The following ZNF148 variants were observed in gnomAD, a reference collection of about 807,000 sequenced individuals.
ZNF148 encodes the protein zinc finger protein 148, also known as Beta-Enolase Repressor Factor-1.
A neutral mutation model predicts 67.7 loss-of-function variants in ZNF148; 7 were observed. The ratio of observed to expected loss-of-function variants is 0.10; its 90% CI spans 0.06 to 0.19. The LOEUF (loss-of-function observed/expected upper bound fraction) is 0.19, where lower values mean the gene tolerates loss of function less well. Ranked by LOEUF, ZNF148 falls within the 10% of genes least tolerant of loss-of-function variation. The pLI is 1.00. For missense variants in ZNF148, 583 were observed against 947.1 expected (o/e 0.62, Z 5.05); for synonymous variants, 333 against 330.7 (o/e 1.01, Z -0.08).
At chr3:125,342,008 G>GGA (rs538254071) in intron 1 of ZNF148, among the ~76,000 whole-genome samples, 12,023 of 141,826 alleles carry the variant, frequency 0.085, 782 homozygotes, top group Non-Finnish European at 0.12. Context: ...GCGGGGGGGG[G>GGA]AATGGAAATC....
At chr3:125,300,433 G>T (rs1245245273) in intron 4 of ZNF148, among the ~76,000 whole-genome samples, 4 of 152,140 alleles carry the variant, frequency 2.6e-5, no homozygotes, top group Non-Finnish European at 1.5e-5. Flanking sequence ...TAAGAATTGG[G>T]TATAACTAAC....
chr3:125,259,228 C>T (rs1937228906), intron 7 of ZNF148, among the ~76,000 whole-genome samples: 2 of 152,146 alleles, frequency 1.3e-5, no homozygotes, highest in Non-Finnish European at 2.9e-5. Context: ...ACACATTATT[C>T]CTCTACCCAA....
intron 1 of ZNF148, among the ~76,000 whole-genome samples, chr3:125,337,442 A>T (rs1941545129): frequency 6.6e-6 from 1 of 152,208 alleles, no homozygotes; most frequent in African/African-American, 2.4e-5. Flanking sequence ...TCCCCAGATA[A>T]TGTAAATGAG....
rs1297420719 is a variant in ZNF148 at position 125,232,694 on chromosome 3, G to A, written c.2032C>T (p.Leu678=). ...RTTPDKSHFG[L]IVGDSQHSFP... is the part of the protein sequence containing the mutation. The stretch of plus-strand genomic sequence containing the variant: ...GAGTGCTGTGAATCACCAACTATTA[G>A]TCCAAAGTGGGACTTATCTGGAGTT... Residue 678 remains leucine, a synonymous_variant, in exon 9 of 9, where the codon CTA becomes TTA. Coordinates refer to ENST00000360647, the MANE Select transcript of ZNF148 (RefSeq NM_021964.3). This position sits in a 1 kb window ranked among gnomAD's most constrained non-coding sequence, Gnocchi z 4.2. 6 of 1,613,744 alleles carry A rather than the reference G, an allele frequency of 3.7e-6. No homozygotes were observed. The East Asian group carries it at 1.3e-4, about 36-fold the overall frequency.
chr3:125,238,115 C>T (rs1936177518), intron 7 of ZNF148, among the ~76,000 whole-genome samples: 2 of 152,120 alleles, frequency 1.3e-5, no homozygotes, highest in African/African-American at 4.8e-5. Context: ...ACACCTCTCA[C>T]ATCATAAACA....
Position 125,249,223 on chromosome 3 carries a change from A to G in ZNF148, c.668-14894T>C, listed in dbSNP as rs1466990784. ...GTTTCAACATGCTCAACAAAATGAA[A>G]AGATAACCTATGGAATGGGAAAAAA... is the stretch of plus-strand genomic sequence containing the variant. On this transcript the variant is annotated intron_variant, in intron 7 of 8. Coordinates refer to ENST00000360647, the MANE Select transcript of ZNF148 (RefSeq NM_021964.3). 2.0e-5 allele frequency among the ~76,000 whole-genome samples: 3 copies of G among 152,220 alleles called. No individual in the cohort carries two copies. The East Asian group carries it at 5.8e-4, about 29-fold the overall frequency.
chr3:125,242,615 G>A (rs1560108430), intron 7 of ZNF148, among the ~76,000 whole-genome samples: 2 of 152,176 alleles, frequency 1.3e-5, no homozygotes, highest in African/African-American at 2.4e-5. Flanking sequence ...TGGCAAAGGG[G>A]TGAGACTCTT....
chr3:125,249,609 A>C (rs1936749431), intron 7 of ZNF148, among the ~76,000 whole-genome samples: 1 of 152,128 alleles, frequency 6.6e-6, no homozygotes, highest in African/African-American at 2.4e-5. Context: ...AACAGTATGG[A>C]GGTTCCTAAA....
intron 1 of ZNF148, among the ~76,000 whole-genome samples, chr3:125,334,055 C>T (rs182065833): frequency 2.1e-4 from 32 of 152,180 alleles, no homozygotes; most frequent in Admixed American, 1.7e-3. Context: ...AACTTGTATA[C>T]CTATATAATA....
At chr3:125,288,976 TAAAG>T (rs758035573) in intron 4 of ZNF148, among the ~76,000 whole-genome samples, 3 of 152,140 alleles carry the variant, frequency 2.0e-5, no homozygotes, top group Admixed American at 6.6e-5. Flanking sequence ...TACTTGTCCT[TAAAG>T]AAAGAAAAGA....
intron 1 of ZNF148, among the ~76,000 whole-genome samples, chr3:125,353,340 G>T (rs9851588): frequency 0.78 from 117,662 of 151,810 alleles, 46,426 homozygotes; most frequent in African/African-American, 0.91. Flanking sequence ...TTTGTGATGA[G>T]GCAATAGTTC....
chr3:125,257,389 A>C (rs1008542397), intron 7 of ZNF148, among the ~76,000 whole-genome samples: 4 of 152,102 alleles, frequency 2.6e-5, no homozygotes, highest in Admixed American at 2.0e-4. Context: ...CCCCGTCTCT[A>C]CTAAAAATAC....
intron 7 of ZNF148, among the ~76,000 whole-genome samples, chr3:125,275,444 G>C (rs577308607): frequency 6.6e-6 from 1 of 152,126 alleles, no homozygotes; most frequent in African/African-American, 2.4e-5. Context: ...GTCCCATTCT[G>C]CATAGCCAGT....
In ZNF148 at chr3:125,231,581, A is replaced by G. The variant is rs1415358715; in HGVS notation, c.*760T>C. On this transcript the variant is annotated 3_prime_UTR_variant, in exon 9 of 9. Coordinates refer to ENST00000360647, the MANE Select transcript of ZNF148 (RefSeq NM_021964.3). ...ATACCTGCACATGAAAAATCATAAA[A>G]AATATCTAAGTACAACTGTACAAAG... is the stretch of plus-strand genomic sequence containing the variant. 6.6e-6 allele frequency: 1 copy of G among 152,520 alleles called. No homozygotes were observed. The highest frequency in any genetic ancestry group is 2.4e-5 in the African/African-American group (1 of 41,430). The allele number at this position is 152,520 out of a possible 1,614,324, so 9.4% of individuals were successfully genotyped here. A position where few individuals can be genotyped will look rare whatever the true frequency, so the allele number is the denominator to read the frequency against.
At chr3:125,309,186 T>A (rs991377740) in intron 4 of ZNF148, among the ~76,000 whole-genome samples, 6 of 152,220 alleles carry the variant, frequency 3.9e-5, no homozygotes, top group Non-Finnish European at 5.9e-5. Context: ...TTGTCAAAAC[T>A]CTGAACTACA....
In ZNF148 at chr3:125,323,397, G is replaced by A; in HGVS notation, c.-105C>T. On this transcript the variant is annotated 5_prime_UTR_variant, in exon 3 of 9. Coordinates refer to ENST00000360647, the MANE Select transcript of ZNF148 (RefSeq NM_021964.3). ...ATGGTTGAGTTTCTACCTTTCATAG[G>A]CTTCAGAAATCCTCAATACCACCTT... The A allele has an allele frequency of 1.4e-6, 1 of 696,556 alleles. No individual in the cohort carries two copies. Among genetic ancestry groups the A allele is most frequent in the Non-Finnish European group, 2.6e-6 (1 of 383,002 alleles). 43.1% of individuals were successfully genotyped at this position (696,556 alleles called of 1,614,324 possible). A position where few individuals can be genotyped will look rare whatever the true frequency, so the allele number is the denominator to read the frequency against.
In ZNF148 at chr3:125,225,764, C is replaced by G. The variant is rs1417465426; in HGVS notation, c.*6577G>C. 1 of 152,092 alleles carries G rather than the reference C, an allele frequency of 6.6e-6. No homozygotes were observed. Among genetic ancestry groups the G allele is most frequent in the African/African-American group, 2.4e-5 (1 of 41,418 alleles). The allele number at this position is 152,092 out of a possible 1,614,324, so 9.4% of individuals were successfully genotyped here. A position where few individuals can be genotyped will look rare whatever the true frequency, so the allele number is the denominator to read the frequency against. On this transcript the variant is annotated 3_prime_UTR_variant, in exon 9 of 9. Coordinates refer to ENST00000360647, the MANE Select transcript of ZNF148 (RefSeq NM_021964.3). ...CTCCCCTCCCCTCTCCCCACCATTCCTAATCATTCAAGAAAAACTGGGATC... is the reference window on the plus strand; with the variant it reads ...CTCCCCTCCCCTCTCCCCACCATTCGTAATCATTCAAGAAAAACTGGGATC...
At chr3:125,289,572 A>T (rs1386327744) in intron 4 of ZNF148, among the ~76,000 whole-genome samples, 10 of 152,218 alleles carry the variant, frequency 6.6e-5, no homozygotes, top group Admixed American at 4.6e-4. Flanking sequence ...CAGACCTCTT[A>T]TCACCTCTGA....
chr3:125,250,689 G>A (rs1936802728), intron 7 of ZNF148, among the ~76,000 whole-genome samples: 1 of 152,146 alleles, frequency 6.6e-6, no homozygotes, highest in Admixed American at 6.5e-5. Context: ...TTGAACCTAA[G>A]TTTTCTGGGG....
Sources: allele counts gnomAD v4.1 joint callset (sites outside exome capture counted in the v4.1 genomes callset), GRCh38; gene constraint gnomAD v4.1.1; non-coding constraint Gnocchi (gnomAD v3.1); transcripts MANE v1.5; gene names NCBI Gene and HGNC (gene_info 2026-07-23, HGNC 2026-07-21).